Variants in BBS9 observed in about 807,000 individuals in gnomAD.
BBS9 encodes the protein Bardet-Biedl syndrome 9.
A neutral mutation model predicts 117.7 loss-of-function variants in BBS9; 89 were observed. The observed-to-expected ratio is 0.76, with a 90% CI of 0.64 to 0.90. The LOEUF (loss-of-function observed/expected upper bound fraction) is 0.90. Ranked by LOEUF, BBS9 falls within the 40% of genes least tolerant of loss-of-function variation. The pLI, the probability that BBS9 is intolerant of heterozygous loss-of-function variation, is 0.00. For missense variants in BBS9, 982 were observed against 1,042.2 expected (o/e 0.94, Z 0.80); for synonymous variants, 379 against 370.9 (o/e 1.02, Z -0.25).
chr7:33,407,186 A>G (rs982870571), intron 19 of BBS9, among the ~76,000 whole-genome samples: 2 of 151,940 alleles, frequency 1.3e-5, no homozygotes. Context: ...CGTTCATTTC[A>G]TCTTCCATCA....
intron 21 of BBS9, among the ~76,000 whole-genome samples, chr7:33,580,710 A>G (rs1395194336): frequency 1.3e-5 from 2 of 152,212 alleles, no homozygotes; most frequent in Non-Finnish European, 2.9e-5. Context: ...GGAGTTATTC[A>G]TTCATCTCTT....
chr7:33,170,487 G>A (rs1258287298), intron 4 of BBS9, among the ~76,000 whole-genome samples: 1 of 144,634 alleles, frequency 6.9e-6, no homozygotes, highest in African/African-American at 2.6e-5. Context: ...CAAACCCACA[G>A]CCAATATCAT....
intron 19 of BBS9, among the ~76,000 whole-genome samples, chr7:33,392,519 T>C (rs1012018160): frequency 6.6e-6 from 1 of 152,182 alleles, no homozygotes; most frequent in East Asian, 1.9e-4. Flanking sequence ...GTTTGTGTCA[T>C]GTTTCTAGTG....
rs529428443 is a variant in BBS9 at position 33,199,719 on chromosome 7, T to A, written c.442+22128T>A. ...AGGTGGGATAATTTAAAAAGACTCT[T>A]TAAATATGGTTCAATTCGCTGCAGG... On this transcript the variant is annotated intron_variant, in intron 5 of 22. Transcript: ENST00000242067. Among the ~76,000 whole-genome samples the A allele has an allele frequency of 9.2e-5, 14 of 151,950 alleles. No individual in the cohort carries two copies. The East Asian group carries it at 2.7e-3, about 29-fold the overall frequency.
chr7:33,354,986 C>G (rs1316631546), intron 15 of BBS9, among the ~76,000 whole-genome samples: 1 of 151,888 alleles, frequency 6.6e-6, no homozygotes, highest in African/African-American at 2.4e-5. Flanking sequence ...AAATAAATGA[C>G]AAAAGTTTCT....
intron 19 of BBS9, among the ~76,000 whole-genome samples, chr7:33,476,713 T>C (rs1563228118): frequency 6.6e-6 from 1 of 152,216 alleles, no homozygotes; most frequent in Non-Finnish European, 1.5e-5. Context: ...CAATTGTACA[T>C]ACTCAAAATG....
At chr7:33,349,365 A>T (rs1434834748) in intron 13 of BBS9, 195 bp downstream of exon 13, 1 of 615,982 alleles carries the variant, frequency 1.6e-6, no homozygotes, top group South Asian at 1.5e-5. Flanking sequence ...TGTTGGGTCA[A>T]ATTAATCTTT....
At chr7:33,581,891 T>C (rs1446653746) in intron 21 of BBS9, among the ~76,000 whole-genome samples, 1 of 152,190 alleles carries the variant, frequency 6.6e-6, no homozygotes, top group Admixed American at 6.5e-5. Context: ...TAGACTAATG[T>C]ACTCTTTTTT....
chr7:33,485,681 A>G (rs1476386904), intron 19 of BBS9, among the ~76,000 whole-genome samples: 3 of 152,208 alleles, frequency 2.0e-5, no homozygotes, highest in Non-Finnish European at 4.4e-5. Context: ...AGTCTTTATA[A>G]GGTAGACATT....
At chr7:33,276,256 A>G (rs1412428819) in intron 9 of BBS9, among the ~76,000 whole-genome samples, 1 of 152,224 alleles carries the variant, frequency 6.6e-6, no homozygotes, top group African/African-American at 2.4e-5. Context: ...CTCAATTAAC[A>G]TAAAGTTTAG....
intron 21 of BBS9, among the ~76,000 whole-genome samples, chr7:33,595,288 C>A (rs1344179690): frequency 6.6e-6 from 1 of 152,118 alleles, no homozygotes; most frequent in Non-Finnish European, 1.5e-5. Flanking sequence ...TTTTTGCAAT[C>A]TACCCATCTG....
intron 21 of BBS9, among the ~76,000 whole-genome samples, chr7:33,550,094 A>G (rs1353941048): frequency 6.6e-6 from 1 of 152,060 alleles, no homozygotes; most frequent in Non-Finnish European, 1.5e-5. Flanking sequence ...CTGCTACCTC[A>G]GTGTATCTAT....
intron 20 of BBS9, among the ~76,000 whole-genome samples, chr7:33,527,452 G>A (rs890444623): frequency 2.0e-5 from 3 of 152,138 alleles, no homozygotes; most frequent in Admixed American, 2.0e-4. Context: ...GTCTCGTGGT[G>A]CGCCGTTTTT....
chr7:33,561,428 A>G (rs186569152), intron 21 of BBS9, among the ~76,000 whole-genome samples: 266 of 152,332 alleles, frequency 1.7e-3, no homozygotes, highest in African/African-American at 6.1e-3. Context: ...AGAAAAGGGA[A>G]CAGTTTTCTC....
chr7:33,518,484 T>C (rs1489317092), intron 20 of BBS9, among the ~76,000 whole-genome samples: 2 of 151,796 alleles, frequency 1.3e-5, no homozygotes, highest in Non-Finnish European at 2.9e-5. Flanking sequence ...CTCTTGACCT[T>C]GTGATCCGCC....
At chr7:33,311,962 A>G (rs1483686088) in intron 9 of BBS9, among the ~76,000 whole-genome samples, 3 of 152,324 alleles carry the variant, frequency 2.0e-5, no homozygotes, top group African/African-American at 4.8e-5. Context: ...ATTAAAAGCA[A>G]TTTTAATTTT....
intron 15 of BBS9, among the ~76,000 whole-genome samples, chr7:33,356,540 C>T (rs138148369): frequency 7.9e-5 from 12 of 151,742 alleles, no homozygotes; most frequent in East Asian, 7.7e-4. Context: ...AAATGAGCTA[C>T]GTAAAACTTG....
In BBS9 at chr7:33,152,764, C is replaced by A. The variant is rs749727731; in HGVS notation, c.176C>A (p.Thr59Lys). 1 of 1,613,268 alleles carries A rather than the reference C, an allele frequency of 6.2e-7. No homozygotes were observed. The highest frequency in any genetic ancestry group is 1.3e-5 in the African/African-American group (1 of 74,756). The change falls in exon 3 of 23, where the codon ACA (threonine) becomes AAA (lysine). Residue 59 changes from threonine (T) to lysine (K), a missense_variant. By Grantham distance (78) the Thr-to-Lys change is moderately conservative. Transcript: ENST00000242067. ...LRIFSPHPAK[T>K]GDGAQAEDLL... Reference sequence around the variant, plus strand: ...ATCTTTAGCCCCCATCCTGCAAAAACAGGAGATGGAGCTCAAGCCGAAGAT... The same window carrying A: ...ATCTTTAGCCCCCATCCTGCAAAAAAAGGAGATGGAGCTCAAGCCGAAGAT...
chr7:33,358,656 A>G (rs958106972), intron 16 of BBS9, among the ~76,000 whole-genome samples: 2 of 151,906 alleles, frequency 1.3e-5, no homozygotes, highest in African/African-American at 4.8e-5. Context: ...ATCCTTAGTA[A>G]CCAAGGTTTT....
Sources: allele counts gnomAD v4.1 joint callset (sites outside exome capture counted in the v4.1 genomes callset), GRCh38; gene constraint gnomAD v4.1.1; transcripts MANE v1.5; gene names NCBI Gene and HGNC (gene_info 2026-07-23, HGNC 2026-07-21).